The following DPP10 variants were observed in gnomAD, a reference collection of about 807,000 sequenced individuals.
DPP10 encodes inactive dipeptidyl peptidase 10.
Under a neutral mutation model 120.9 loss-of-function variants are expected in DPP10, and 33 were observed. That is an observed-to-expected ratio of 0.27 (90% CI 0.21 to 0.37). The LOEUF (loss-of-function observed/expected upper bound fraction) is 0.37, where lower values mean the gene tolerates loss of function less well. Among genes scored for constraint, DPP10 ranks in the 10% least tolerant of loss-of-function variants. The pLI is 1.00. For synonymous variants in DPP10, 337 were observed against 326.1 expected, an observed-to-expected ratio of 1.03 and a Z score of -0.36; for missense variants, 816 against 942.8, an observed-to-expected ratio of 0.87 and a Z score of 1.76.
intron 1 of DPP10, among the ~76,000 whole-genome samples, chr2:114,878,779 GCT>G (rs1468817266): frequency 1.3e-5 from 2 of 151,948 alleles, no homozygotes; most frequent in African/African-American, 4.8e-5. Context: ...TTTTTTTGTG[GCT>G]GAATGGTATT....
At chr2:114,555,758 G>A (rs1688240551) in intron 1 of DPP10, among the ~76,000 whole-genome samples, 1 of 152,022 alleles carries the variant, frequency 6.6e-6, no homozygotes, top group African/African-American at 2.4e-5. Context: ...TGATATATAG[G>A]AACAGTAATC....
chr2:115,534,096 TTTTTTTA>T (rs1272510384), intron 5 of DPP10, among the ~76,000 whole-genome samples: 2 of 140,214 alleles, frequency 1.4e-5, no homozygotes, highest in African/African-American at 6.1e-5. Context: ...CTTTTATTTA[TTTTTTTA>T]TTTTTTATTT....
chr2:114,597,654 C>A, intron 1 of DPP10, among the ~76,000 whole-genome samples: 1 of 151,924 alleles, frequency 6.6e-6, no homozygotes, highest in East Asian at 1.9e-4. Flanking sequence ...TCCATGAATC[C>A]CACTTTCCTT....
chr2:115,150,843 A>G (rs1432417172), intron 1 of DPP10, among the ~76,000 whole-genome samples: 1 of 152,252 alleles, frequency 6.6e-6, no homozygotes, highest in African/African-American at 2.4e-5. Flanking sequence ...ATTTTCATAT[A>G]TATTAGATAT....
chr2:115,110,745 C>A (rs2049173435), intron 1 of DPP10, among the ~76,000 whole-genome samples: 1 of 151,852 alleles, frequency 6.6e-6, no homozygotes, highest in Non-Finnish European at 1.5e-5. Context: ...AGGTAGTTTT[C>A]TTTATACAGT....
At chr2:114,483,499 T>C (rs1681239989) in intron 1 of DPP10, among the ~76,000 whole-genome samples, 1 of 151,980 alleles carries the variant, frequency 6.6e-6, no homozygotes, top group Non-Finnish European at 1.5e-5. Context: ...AGGAACCACA[T>C]CGATCCTGAA....
chr2:115,802,150 G>C (rs1293910464), intron 19 of DPP10, among the ~76,000 whole-genome samples: 1 of 152,188 alleles, frequency 6.6e-6, no homozygotes, highest in East Asian at 1.9e-4. Flanking sequence ...CTTCTTCCTG[G>C]TTTAGTCTTG....
intron 7 of DPP10, among the ~76,000 whole-genome samples, chr2:115,693,146 T>C (rs902340264): frequency 1.3e-5 from 2 of 152,224 alleles, no homozygotes; most frequent in Admixed American, 6.6e-5. Flanking sequence ...TGTAGATATT[T>C]AGATAAATTA....
intron 1 of DPP10, among the ~76,000 whole-genome samples, chr2:114,909,176 T>C (rs1694185771): frequency 6.6e-6 from 1 of 151,984 alleles, no homozygotes; most frequent in Non-Finnish European, 1.5e-5. Context: ...CACCCACCTA[T>C]CAGCTATGAG....
intron 1 of DPP10, among the ~76,000 whole-genome samples, chr2:115,023,286 T>C (rs1371341760): frequency 2.0e-5 from 3 of 151,740 alleles, no homozygotes; most frequent in African/African-American, 7.2e-5. Flanking sequence ...TACAAAAAAC[T>C]CAAATCATCA....
At chr2:114,780,511 T>C (rs1682223910) in intron 1 of DPP10, among the ~76,000 whole-genome samples, 1 of 152,096 alleles carries the variant, frequency 6.6e-6, no homozygotes. Flanking sequence ...CTGTGAACAA[T>C]GTGTTTATAT....
At chr2:114,502,677 C>A (rs1341728072) in intron 1 of DPP10, among the ~76,000 whole-genome samples, 7 of 152,232 alleles carry the variant, frequency 4.6e-5, no homozygotes, top group African/African-American at 1.2e-4. Context: ...ATACTCCAAT[C>A]GAAATATCTT....
intron 1 of DPP10, among the ~76,000 whole-genome samples, chr2:115,045,571 A>G (rs1318619502): frequency 6.6e-6 from 1 of 152,164 alleles, no homozygotes; most frequent in African/African-American, 2.4e-5. Flanking sequence ...CTGAGTTCTA[A>G]TGCAAAGTCC....
chr2:115,114,408 G>C (rs2049392182), intron 1 of DPP10, among the ~76,000 whole-genome samples: 1 of 152,066 alleles, frequency 6.6e-6, no homozygotes, highest in African/African-American at 2.4e-5. Context: ...CTAATTCCTA[G>C]TCATGCCCAT....
chr2:115,815,532 G>A (rs1687128604), intron 20 of DPP10, 143 bp from the exon 21 acceptor site: 1 of 635,926 alleles, frequency 1.6e-6, no homozygotes, highest in Non-Finnish European at 2.4e-6. Context: ...TGGAGTATAT[G>A]ACCCTAATAC....
chr2:114,716,464 C>T (rs13417708), intron 1 of DPP10, among the ~76,000 whole-genome samples: 412 of 152,124 alleles, frequency 2.7e-3, no homozygotes, highest in African/African-American at 9.6e-3. Context: ...TTTTTTTATC[C>T]AATAGAACTT....
intron 1 of DPP10, among the ~76,000 whole-genome samples, chr2:115,308,191 G>A (rs2061433724): frequency 6.6e-6 from 1 of 152,176 alleles, no homozygotes; most frequent in African/African-American, 2.4e-5. Flanking sequence ...AGGAACTCAT[G>A]TACAAATTTA....
At chr2:115,809,393 C>T (rs939317555) in intron 19 of DPP10, among the ~76,000 whole-genome samples, 1 of 152,130 alleles carries the variant, frequency 6.6e-6, no homozygotes, top group African/African-American at 2.4e-5. Context: ...TTGTTTAAAG[C>T]TGCTATCCTA....
chr2:114,905,135 T>C (rs2106634897), intron 1 of DPP10, among the ~76,000 whole-genome samples: 1 of 152,322 alleles, frequency 6.6e-6, no homozygotes, highest in South Asian at 2.1e-4. Flanking sequence ...TCAAAACTCT[T>C]ATTAATTCTA....
Sources: allele counts gnomAD v4.1 joint callset (sites outside exome capture counted in the v4.1 genomes callset), GRCh38; gene constraint gnomAD v4.1.1; transcripts MANE v1.5; gene names NCBI Gene and HGNC (gene_info 2026-07-23, HGNC 2026-07-21).